Variants in NR6A1 observed in about 807,000 individuals in gnomAD.
The protein encoded by NR6A1 is retinoic acid receptor-related testis-associated receptor.
A neutral mutation model predicts 59.1 loss-of-function variants in NR6A1; 7 were observed. That is an observed-to-expected ratio of 0.12 (90% CI 0.07 to 0.22). NR6A1 has a LOEUF of 0.22. Ranked by LOEUF, NR6A1 falls within the 10% of genes least tolerant of loss-of-function variation. The pLI is 1.00. For missense variants in NR6A1, 468 were observed against 611.6 expected (o/e 0.77, Z 2.48); for synonymous variants, 243 against 236.1 (o/e 1.03, Z -0.27).
intron 2 of NR6A1, among the ~76,000 whole-genome samples, chr9:124,591,858 C>T (rs949270446): frequency 1.3e-5 from 2 of 152,014 alleles, no homozygotes; most frequent in Admixed American, 6.6e-5. Flanking sequence ...CTAATTATAG[C>T]GTTTTCCCCA....
chr9:124,539,145 T>C (rs1167677398), intron 5 of NR6A1, among the ~76,000 whole-genome samples: 1 of 152,002 alleles, frequency 6.6e-6, no homozygotes, highest in Non-Finnish European at 1.5e-5. Context: ...ACTTAAGCAA[T>C]CTACCCACCT....
chr9:124,717,169 A>T (rs1839434242), intron 2 of NR6A1, among the ~76,000 whole-genome samples: 2 of 152,256 alleles, frequency 1.3e-5, no homozygotes. Flanking sequence ...ATGTATGAAC[A>T]TCTGGGAAAT....
intron 2 of NR6A1, among the ~76,000 whole-genome samples, chr9:124,713,428 A>G (rs1418565113): frequency 6.6e-6 from 1 of 152,234 alleles, no homozygotes. Flanking sequence ...ACTTTTGTGC[A>G]TCGACGGACA....
intron 1 of NR6A1, among the ~76,000 whole-genome samples, chr9:124,738,041 GCCAGGAGTTCAAGA>G (rs1426965855): frequency 6.6e-6 from 1 of 152,058 alleles, no homozygotes; most frequent in African/African-American, 2.4e-5. Context: ...AGATCACGAG[GCCAGGAGTTCAAGA>G]CCAGCCTGGC....
rs1264269665 is a variant in NR6A1, at chr9:124,651,941, CTTGACAGCCAATCTAA to C, written c.142+81351_142+81366del. Reference sequence around the variant, plus strand: ...CCCAAGAAACAAAGAGGCCCAAAAGCTTGACAGCCAATCTAATTTAAGTCCAAAGGAGAAGAAAACG... The same window carrying C: ...CCCAAGAAACAAAGAGGCCCAAAAGCTTTAAGTCCAAAGGAGAAGAAAACG... On this transcript the variant is annotated intron_variant, in intron 2 of 9. Coordinates refer to ENST00000487099, the MANE Select transcript of NR6A1 (RefSeq NM_033334.4). Among the ~76,000 whole-genome samples, 10 of 152,292 alleles carry C rather than the reference CTTGACAGCCAATCTAA, an allele frequency of 6.6e-5. No individual in the cohort carries two copies. The East Asian group carries it at 1.9e-3, about 29-fold the overall frequency.
intron 2 of NR6A1, among the ~76,000 whole-genome samples, chr9:124,613,558 G>A (rs1255093719): frequency 6.6e-6 from 1 of 152,206 alleles, no homozygotes; most frequent in Non-Finnish European, 1.5e-5. Flanking sequence ...CTACTAGGGA[G>A]GCTGAGGTGG....
At chr9:124,682,409 C>A (rs1021322102) in intron 2 of NR6A1, among the ~76,000 whole-genome samples, 1 of 152,078 alleles carries the variant, frequency 6.6e-6, no homozygotes, top group Non-Finnish European at 1.5e-5. Flanking sequence ...TATATATCTA[C>A]GTAAAACCAG....
chr9:124,598,647 T>TAAAAAAA (rs34357133), intron 2 of NR6A1: 38 of 160,946 alleles, frequency 2.4e-4, no homozygotes, highest in Middle Eastern at 2.7e-3. Context: ...AGAGTAAAAT[T>TAAAAAAA]AAAAAAAAAA....
At chr9:124,581,437 G>T (rs572729344) in intron 2 of NR6A1, among the ~76,000 whole-genome samples, 1 of 151,966 alleles carries the variant, frequency 6.6e-6, no homozygotes, top group African/African-American at 2.4e-5. Flanking sequence ...ACTAAAAATA[G>T]AAAAATTAGC....
intron 7 of NR6A1, among the ~76,000 whole-genome samples, chr9:124,528,715 A>C (rs1202877188): frequency 6.6e-6 from 1 of 152,018 alleles, no homozygotes; most frequent in Admixed American, 6.6e-5. Flanking sequence ...AAAAAAATAA[A>C]ACAAAAAACC....
Position 124,771,274 on chromosome 9 carries a change from C to G in NR6A1, c.-155G>C. On this transcript the variant is annotated 5_prime_UTR_variant, in exon 1 of 10. Transcript: ENST00000487099. ...GGGCCCCGAGCCGCCCGGCTCCGCG[C>G]CGCTCCGCGCCCCTCCGCGCCGCGC... 1 of 401,272 alleles carries G rather than the reference C, an allele frequency of 2.5e-6. No individual in the cohort carries two copies. Among genetic ancestry groups the G allele is most frequent in the Admixed American group, 4.5e-5 (1 of 22,388 alleles). 24.9% of individuals were successfully genotyped at this position (401,272 alleles called of 1,614,324 possible).
At chr9:124,750,044 T>C (rs749555388) in intron 1 of NR6A1, among the ~76,000 whole-genome samples, 1 of 152,184 alleles carries the variant, frequency 6.6e-6, no homozygotes, top group Non-Finnish European at 1.5e-5. Flanking sequence ...ATACTAAGGA[T>C]ATCAAATGAG....
intron 2 of NR6A1, among the ~76,000 whole-genome samples, chr9:124,600,768 C>T (rs1358654566): frequency 6.6e-6 from 1 of 152,122 alleles, no homozygotes; most frequent in African/African-American, 2.4e-5. Context: ...AGAAGCAATT[C>T]ATTAGAACAG....
chr9:124,524,902 C>T (rs1832890681), intron 8 of NR6A1, 29 bp from the exon 9 acceptor site: 2 of 1,576,694 alleles, frequency 1.3e-6, no homozygotes, highest in Non-Finnish European at 1.7e-6. Flanking sequence ...CACACACACA[C>T]ATACAGGGAA....
At chr9:124,738,069 C>T (rs2131140292) in intron 1 of NR6A1, among the ~76,000 whole-genome samples, 1 of 152,200 alleles carries the variant, frequency 6.6e-6, no homozygotes, top group East Asian at 1.9e-4. Context: ...GCCTGGCCAA[C>T]ATAGTAAAAC....
At chr9:124,537,973 G>C (rs1019015107) in intron 6 of NR6A1, 119 bp downstream of exon 6, 1 of 732,266 alleles carries the variant, frequency 1.4e-6, no homozygotes, top group African/African-American at 1.8e-5. Context: ...CCTGACACTT[G>C]AGTCATTATC....
chr9:124,530,442 T>C (rs571529987), intron 7 of NR6A1, among the ~76,000 whole-genome samples: 107 of 152,354 alleles, frequency 7.0e-4, no homozygotes, highest in Admixed American at 7.8e-4. Flanking sequence ...ACTCCAGTTT[T>C]AATGCCCCTG....
chr9:124,757,512 A>G (rs1209701961), intron 1 of NR6A1, among the ~76,000 whole-genome samples: 1 of 151,370 alleles, frequency 6.6e-6, no homozygotes, highest in Non-Finnish European at 1.5e-5. Flanking sequence ...AATGTTAATG[A>G]AAGTTGCTTA....
intron 1 of NR6A1, among the ~76,000 whole-genome samples, chr9:124,770,786 G>A (rs1841123851): frequency 6.6e-6 from 1 of 151,026 alleles, no homozygotes; most frequent in Admixed American, 6.6e-5. Context: ...CCGGGCAGGG[G>A]GAGGGTCCGC....
Sources: gnomAD v4.1 joint callset for allele counts (sites outside exome capture counted in the v4.1 genomes callset) on GRCh38, gnomAD v4.1.1 for gene constraint, MANE v1.5 for transcripts, NCBI Gene and HGNC (gene_info 2026-07-23, HGNC 2026-07-21) for gene names.